INPP5A: variants seen among roughly 807,000 people sequenced by gnomAD.
INPP5A encodes inositol polyphosphate-5-phosphatase A, also known as 43 kDa inositol polyphosphate 5-phophatase.
INPP5A carries 14 observed loss-of-function variants against 65.2 expected under a neutral mutation model. The observed-to-expected ratio is 0.21, with a 90% confidence interval of 0.14 to 0.34. The LOEUF is 0.34. INPP5A is among the 10% of genes least tolerant of loss of function. The pLI, the probability that INPP5A is intolerant of heterozygous loss-of-function variation, is 1.00. For synonymous variants in INPP5A, 207 were observed against 208.3 expected (o/e 0.99, Z 0.05); for missense variants, 431 against 545.6 (o/e 0.79, Z 2.09).
intron 12 of INPP5A, among the ~76,000 whole-genome samples, chr10:132,768,764 C>T (rs887794402): frequency 2.6e-5 from 4 of 152,362 alleles, no homozygotes; most frequent in East Asian, 3.9e-4. Context: ...CTCCTTCCTG[C>T]GGTGACTCCC....
At chr10:132,774,619 C>T (rs1052472004) in intron 12 of INPP5A, among the ~76,000 whole-genome samples, 6 of 152,128 alleles carry the variant, frequency 3.9e-5, no homozygotes, top group Admixed American at 6.5e-5. Flanking sequence ...CCCAAGACCT[C>T]GACATAGCCG....
intron 1 of INPP5A, among the ~76,000 whole-genome samples, chr10:132,559,609 G>A (rs545195764): frequency 4.0e-5 from 6 of 151,342 alleles, no homozygotes; most frequent in South Asian, 4.2e-4. Context: ...CGTACTTCAC[G>A]TGCTCAGCAC....
In INPP5A at chr10:132,772,909, C is replaced by T. The variant is rs888691441; in HGVS notation, c.978-4762C>T. ...GGCAGCCGCCCCACGAAGAGTGGGA[C>T]GGACACTCAGCACTGACACGGAGGC... is the stretch of plus-strand genomic sequence containing the variant. On this transcript the variant is annotated intron_variant, in intron 12 of 15. Transcript: ENST00000368594. Among the ~76,000 whole-genome samples the T allele has an allele frequency of 4.6e-5, 7 of 151,732 alleles. No individual in the cohort carries two copies. The East Asian group carries it at 9.7e-4, about 21-fold the overall frequency.
intron 4 of INPP5A, among the ~76,000 whole-genome samples, chr10:132,677,382 AC>A (rs1168465506): frequency 6.6e-6 from 1 of 152,240 alleles, no homozygotes. Context: ...ATGTCTGAGA[AC>A]ATATGTGGCA....
chr10:132,548,574 A>G (rs560845849), intron 1 of INPP5A, among the ~76,000 whole-genome samples: 3 of 152,250 alleles, frequency 2.0e-5, no homozygotes, highest in East Asian at 1.9e-4. Context: ...GTGTGTAACC[A>G]TCACCGCACC....
chr10:132,613,246 G>A (rs1036040049), intron 2 of INPP5A, among the ~76,000 whole-genome samples: 4 of 151,948 alleles, frequency 2.6e-5, no homozygotes, highest in Non-Finnish European at 2.9e-5. Flanking sequence ...GGAACGCCAC[G>A]GCCCACAGGA....
Position 132,603,767 on chromosome 10 carries a change from T to A in INPP5A, c.76-4148T>A, listed in dbSNP as rs144530071. Among the ~76,000 whole-genome samples, 471 of 152,300 alleles carry A rather than the reference T, an allele frequency of 3.1e-3. 1 individual carries two copies. Among genetic ancestry groups the A allele is most frequent in the African/African-American group, 9.6e-3 (401 of 41,562 alleles). ...CTATTACTTGTGTTTTGTTAGTTTG[T>A]AACAGAGACACTCTGTTCCACCTTT... On this transcript the variant is annotated intron_variant, in intron 1 of 15. Transcript: ENST00000368594. The surrounding 1 kb of genome is among the most constrained non-coding windows in gnomAD (Gnocchi z 4.2).
In INPP5A at chr10:132,698,297, G is replaced by A. The variant is rs1845378181; in HGVS notation, c.474+378G>A. 6.6e-6 allele frequency among the ~76,000 whole-genome samples: 1 copy of A among 152,254 alleles called. No individual in the cohort carries two copies. The highest frequency in any genetic ancestry group is 6.5e-5 in the Admixed American group (1 of 15,292). ...AACCAAGACAGTGGCTGACAGTCCT[G>A]TGTGCCCGTGGTGTGAGTGTGGGGC... On this transcript the variant is annotated intron_variant, in intron 6 of 15. Coordinates refer to ENST00000368594, the MANE Select transcript of INPP5A (RefSeq NM_005539.5). The surrounding 1 kb of genome is among the most constrained non-coding windows in gnomAD (Gnocchi z 5.5).
At chr10:132,655,749 G>A (rs1181046416) in intron 4 of INPP5A, among the ~76,000 whole-genome samples, 1 of 152,262 alleles carries the variant, frequency 6.6e-6, no homozygotes, top group African/African-American at 2.4e-5. Flanking sequence ...TGTATTTACT[G>A]TAGGGACTTG....
chr10:132,639,000 T>C (rs2133382882), intron 2 of INPP5A, among the ~76,000 whole-genome samples: 1 of 152,288 alleles, frequency 6.6e-6, no homozygotes, highest in East Asian at 1.9e-4. Context: ...CATAGAAAAT[T>C]GGGGAGCAAA....
rs1000737047 is a variant in INPP5A, at chr10:132,627,370, A to G, written c.118-18498A>G. Among the ~76,000 whole-genome samples the G allele has an allele frequency of 6.6e-6, 1 of 151,956 alleles. No homozygotes were observed. The highest frequency in any genetic ancestry group is 1.5e-5 in the Non-Finnish European group (1 of 67,984). On this transcript the variant is annotated intron_variant, in intron 2 of 15. Transcript: ENST00000368594. The surrounding 1 kb of genome is among the most constrained non-coding windows in gnomAD (Gnocchi z 6.6). ...GGCCGGGAGCTGCTGCTGGCTCCAC[A>G]CCTGTCCTGAGAGGGTCTGTCCTGG...
intron 1 of INPP5A, among the ~76,000 whole-genome samples, chr10:132,557,220 G>C (rs1274404093): frequency 6.6e-6 from 1 of 152,236 alleles, no homozygotes; most frequent in African/African-American, 2.4e-5. Flanking sequence ...TCTCACATGA[G>C]GGATGGAGTC....
At chr10:132,558,035 C>T (rs1409459866) in intron 1 of INPP5A, among the ~76,000 whole-genome samples, 2 of 152,190 alleles carry the variant, frequency 1.3e-5, no homozygotes, top group Non-Finnish European at 2.9e-5. Flanking sequence ...AAGATTCTCA[C>T]CCATGAAAAA....
rs532791746 is a variant in INPP5A at position 132,580,647 on chromosome 10, CAT to C, written c.76-27267_76-27266del. ...CTTTTATTTTTGATTCTTAAAGACA[CAT>C]GTGAGATTGTTTTATAAAAATTTTG... On this transcript the variant is annotated intron_variant, in intron 1 of 15. Coordinates refer to ENST00000368594, the MANE Select transcript of INPP5A (RefSeq NM_005539.5). 1.9e-3 allele frequency among the ~76,000 whole-genome samples: 297 copies of C among 152,320 alleles called. 2 individuals carry two copies. The highest frequency in any genetic ancestry group is 6.7e-3 in the African/African-American group (280 of 41,566).
chr10:132,684,682 C>G (rs2073092890), intron 4 of INPP5A, among the ~76,000 whole-genome samples: 1 of 152,224 alleles, frequency 6.6e-6, no homozygotes, highest in South Asian at 2.1e-4. Flanking sequence ...GAACCACATG[C>G]CTGCCTCAGC....
intron 2 of INPP5A, among the ~76,000 whole-genome samples, chr10:132,633,104 C>A (rs1415579412): frequency 6.6e-6 from 1 of 152,184 alleles, no homozygotes; most frequent in Non-Finnish European, 1.5e-5. Flanking sequence ...CTTACTTGGT[C>A]AGGTAAAGAC....
Position 132,545,621 on chromosome 10 carries a change from C to T in INPP5A, c.75+7450C>T, listed in dbSNP as rs78961516. ...TTAGGGGAAGAGGGTGCGGAACAGG[C>T]AGGCTGTTCCCATGCGGACCTGAAA... is the stretch of plus-strand genomic sequence containing the variant. On this transcript the variant is annotated intron_variant, in intron 1 of 15. Coordinates refer to ENST00000368594, the MANE Select transcript of INPP5A (RefSeq NM_005539.5). The surrounding 1 kb of genome is among the most constrained non-coding windows in gnomAD (Gnocchi z 4.6). Among the ~76,000 whole-genome samples, 6,485 of 152,326 alleles carry T rather than the reference C, an allele frequency of 0.043. 251 individuals are homozygous for T. The highest frequency in any genetic ancestry group is 0.057 in the Non-Finnish European group (3,900 of 68,012).
intron 3 of INPP5A, among the ~76,000 whole-genome samples, chr10:132,647,864 A>G (rs987720758): frequency 2.6e-5 from 4 of 152,272 alleles, no homozygotes; most frequent in East Asian, 1.9e-4. Context: ...AAAAGGCAAC[A>G]TTAAAAATTT....
Position 132,650,546 on chromosome 10 carries a change from T to G in INPP5A, c.306+41T>G. 6.9e-7 allele frequency: 1 copy of G among 1,450,990 alleles called. No individual in the cohort carries two copies. The highest frequency in any genetic ancestry group is 9.7e-7 in the Non-Finnish European group (1 of 1,034,782). 89.9% of individuals were successfully genotyped at this position (1,450,990 alleles called of 1,614,324 possible). ...TGCCTGGTGCAGGGGTCAGACAGGCTGGCCTTGGCAGAAGCCAGCCCTTCT... is the reference window on the plus strand; with the variant it reads ...TGCCTGGTGCAGGGGTCAGACAGGCGGGCCTTGGCAGAAGCCAGCCCTTCT... On this transcript the variant is annotated intron_variant, in intron 4 of 15. Transcript: ENST00000368594. The surrounding 1 kb of genome is among the most constrained non-coding windows in gnomAD (Gnocchi z 5.5).
Sources: gnomAD v4.1 joint callset for allele counts (sites outside exome capture counted in the v4.1 genomes callset) on GRCh38, gnomAD v4.1.1 for gene constraint, Gnocchi (gnomAD v3.1) non-coding constraint, MANE v1.5 for transcripts, NCBI Gene and HGNC (gene_info 2026-07-23, HGNC 2026-07-21) for gene names.